The following RARB variants were observed in gnomAD, a reference collection of about 807,000 sequenced individuals.
RARB encodes the protein HBV-activated protein.
Under a neutral mutation model 51.9 loss-of-function variants are expected in RARB, and 17 were observed. That is an observed-to-expected ratio of 0.33 (90% CI 0.22 to 0.49). The LOEUF (loss-of-function observed/expected upper bound fraction) is 0.49, where lower values mean the gene tolerates loss of function less well. Among genes scored for constraint, RARB ranks in the 20% least tolerant of loss-of-function variants. RARB has a pLI of 0.99. For synonymous variants in RARB, 215 were observed against 195.4 expected, an observed-to-expected ratio of 1.10 and a Z score of -0.84; for missense variants, 369 against 550.8, an observed-to-expected ratio of 0.67 and a Z score of 3.30.
chr3:25,058,009 A>G (rs999710096), intron 2 of RARB, among the ~76,000 whole-genome samples: 2 of 151,928 alleles, frequency 1.3e-5, no homozygotes, highest in African/African-American at 4.8e-5. Flanking sequence ...GCCCAAACCA[A>G]TATTGAATTA....
chr3:24,857,658 G>A (rs1432537698), intron 1 of RARB, among the ~76,000 whole-genome samples: 1 of 152,262 alleles, frequency 6.6e-6, no homozygotes, highest in African/African-American at 2.4e-5. Flanking sequence ...GCTCACACCA[G>A]TAATCCCACC....
intron 5 of RARB, among the ~76,000 whole-genome samples, chr3:25,296,146 A>G (rs1452849392): frequency 1.3e-5 from 2 of 150,534 alleles, no homozygotes; most frequent in Non-Finnish European, 2.9e-5. Context: ...AAAACTTGAG[A>G]TGAGCCTTGA....
intron 5 of RARB, among the ~76,000 whole-genome samples, chr3:25,329,631 C>G (rs1704831220): frequency 6.6e-6 from 1 of 152,178 alleles, no homozygotes; most frequent in Admixed American, 6.5e-5. Flanking sequence ...AGCTGCTCGA[C>G]AGCAATGGAA....
chr3:25,192,694 G>A (rs897404743), intron 5 of RARB, among the ~76,000 whole-genome samples: 1 of 152,018 alleles, frequency 6.6e-6, no homozygotes, highest in African/African-American at 2.4e-5. Context: ...TTTGGCATCT[G>A]TACTGCCTCA....
intron 5 of RARB, among the ~76,000 whole-genome samples, chr3:25,331,690 G>T (rs1457313842): frequency 6.6e-6 from 1 of 152,122 alleles, no homozygotes; most frequent in Non-Finnish European, 1.5e-5. Flanking sequence ...AGAACTGAAG[G>T]AGATAGAGAC....
chr3:25,231,009 A>G (rs1160242343), intron 5 of RARB, among the ~76,000 whole-genome samples: 2 of 152,154 alleles, frequency 1.3e-5, no homozygotes, highest in Non-Finnish European at 2.9e-5. Flanking sequence ...TGATATCTCT[A>G]AAATATTAGG....
chr3:25,509,498 G>T (rs1697783119), intron 3 of RARB, among the ~76,000 whole-genome samples: 1 of 152,250 alleles, frequency 6.6e-6, no homozygotes, highest in Non-Finnish European at 1.5e-5. Context: ...GAACACCACA[G>T]CTTAGAAGTG....
intron 5 of RARB, among the ~76,000 whole-genome samples, chr3:25,318,591 G>A (rs1704486312): frequency 6.6e-6 from 1 of 152,150 alleles, no homozygotes; most frequent in Admixed American, 6.5e-5. Flanking sequence ...ATTACACTTG[G>A]AAATGTATGT....
intron 2 of RARB, among the ~76,000 whole-genome samples, chr3:25,027,134 A>G (rs576848563): frequency 6.6e-6 from 1 of 152,344 alleles, no homozygotes; most frequent in East Asian, 1.9e-4. Context: ...GGAATGGAAA[A>G]GAATAACTTA....
chr3:25,183,484 T>A (rs1213248014), intron 5 of RARB, among the ~76,000 whole-genome samples: 1 of 152,146 alleles, frequency 6.6e-6, no homozygotes, highest in Non-Finnish European at 1.5e-5. Context: ...TTAAAACCTT[T>A]GCCTCAAAAC....
At chr3:25,030,478 G>A (rs541577516) in intron 2 of RARB, among the ~76,000 whole-genome samples, 9 of 152,348 alleles carry the variant, frequency 5.9e-5, no homozygotes, top group African/African-American at 1.7e-4. Flanking sequence ...TAATGGTGAT[G>A]TCAAAGATGT....
intron 3 of RARB, among the ~76,000 whole-genome samples, chr3:25,103,593 C>A (rs1254619590): frequency 6.6e-6 from 1 of 152,172 alleles, no homozygotes; most frequent in Non-Finnish European, 1.5e-5. Flanking sequence ...AACAGAAGGC[C>A]ATCTTTGAGC....
intron 2 of RARB, among the ~76,000 whole-genome samples, chr3:24,986,844 C>CCGAAACAG (rs1176948888): frequency 6.6e-6 from 1 of 152,002 alleles, no homozygotes; most frequent in Non-Finnish European, 1.5e-5. Flanking sequence ...TACCCCTTTG[C>CCGAAACAG]CGAAACAGCA....
intron 1 of RARB, among the ~76,000 whole-genome samples, chr3:24,839,233 T>TA (rs1439501879): frequency 6.6e-6 from 1 of 152,148 alleles, no homozygotes; most frequent in African/African-American, 2.4e-5. Flanking sequence ...TAATCCATAG[T>TA]AAAAAATATA....
At chr3:25,181,613 C>T (rs914739815) in intron 5 of RARB, among the ~76,000 whole-genome samples, 4 of 152,132 alleles carry the variant, frequency 2.6e-5, no homozygotes, top group Non-Finnish European at 5.9e-5. Flanking sequence ...TTTCCGATGT[C>T]CCACCAGGCA....
intron 2 of RARB, among the ~76,000 whole-genome samples, chr3:25,496,410 C>G (rs2125598814): frequency 6.6e-6 from 1 of 152,326 alleles, no homozygotes; most frequent in Middle Eastern, 3.4e-3. Flanking sequence ...CACCTTGAGT[C>G]CACCAACTTG....
At position 25,415,759 on chromosome 3, in the gene RARB, C is replaced by T. The variant is rs1007473007; in HGVS notation, c.179-45434C>T. Among the ~76,000 whole-genome samples the T allele has an allele frequency of 2.0e-5, 3 of 152,194 alleles. No homozygotes were observed. In the South Asian group the frequency reaches 6.2e-4, roughly 32 times the overall value. The stretch of plus-strand genomic sequence containing the variant: ...AACTTTAAATTTCTACCAACTTGTA[C>T]ATGGCTCTGCTAGTCAGTGTCTTCC... On this transcript the variant is annotated intron_variant, in intron 5 of 11. Transcript: ENST00000383772.
chr3:25,551,090 A>T lies in RARB; in HGVS notation c.449-18668A>T, dbSNP rs186813708. Among the ~76,000 whole-genome samples, 464 of 152,276 alleles carry T rather than the reference A, an allele frequency of 3.0e-3. 1 individual carries two copies. The highest frequency in any genetic ancestry group is 5.3e-3 in the Non-Finnish European group (361 of 68,012). ...ACCTACAAAATTAATGACAAAAATCATCTTTGAAGGCTTGAAGGGCAGGGT... is the reference window on the plus strand; with the variant it reads ...ACCTACAAAATTAATGACAAAAATCTTCTTTGAAGGCTTGAAGGGCAGGGT... On this transcript the variant is annotated intron_variant, in intron 3 of 7. Transcript: ENST00000330688.
intron 3 of RARB, among the ~76,000 whole-genome samples, chr3:25,553,121 C>G (rs561788394): frequency 2.0e-5 from 3 of 149,686 alleles, no homozygotes; most frequent in Non-Finnish European, 3.0e-5. Context: ...AATTTTAGTT[C>G]TATAGAGATG....
Sources: allele counts gnomAD v4.1 joint callset (sites outside exome capture counted in the v4.1 genomes callset), GRCh38; gene constraint gnomAD v4.1.1; transcripts MANE v1.5; gene names NCBI Gene and HGNC (gene_info 2026-07-23, HGNC 2026-07-21).